The following NACC2 variants were observed in gnomAD, a reference collection of about 807,000 sequenced individuals.
The protein encoded by NACC2 is NACC family member 2.
In NACC2, 8 loss-of-function variants were observed where a neutral mutation model predicts 25.1. That is an observed-to-expected ratio of 0.32 (90% CI 0.19 to 0.57). NACC2 has a LOEUF of 0.57. NACC2 is among the 20% of genes least tolerant of loss of function. The pLI, the probability that NACC2 is intolerant of heterozygous loss-of-function variation, is 0.89. For missense variants in NACC2, 644 were observed against 650.2 expected, an observed-to-expected ratio of 0.99 and a Z score of 0.10; for synonymous variants, 435 against 294.7, an observed-to-expected ratio of 1.48 and a Z score of -4.88.
chr9:136,092,137 G>C (rs1388838319), intron 1 of NACC2, among the ~76,000 whole-genome samples: 2 of 152,224 alleles, frequency 1.3e-5, no homozygotes, highest in African/African-American at 4.8e-5. Flanking sequence ...CGCTGGCCAA[G>C]CTCCCCCACC....
In NACC2 at chr9:136,013,793, A is replaced by G. The variant is rs1840151827; in HGVS notation, c.1157+71T>C. 1 of 1,334,672 alleles carries G rather than the reference A, an allele frequency of 7.5e-7. No individual in the cohort carries two copies. The highest frequency in any genetic ancestry group is 2.4e-5 in the East Asian group (1 of 41,804). The allele number at this position is 1,334,672 out of a possible 1,614,324, so 82.7% of individuals were successfully genotyped here. A position where few individuals can be genotyped will look rare whatever the true frequency, so the allele number is the denominator to read the frequency against. On this transcript the variant is annotated intron_variant, in intron 4 of 5. Coordinates refer to ENST00000277554, the MANE Select transcript of NACC2 (RefSeq NM_144653.5). The surrounding 1 kb of genome is among the most constrained non-coding windows in gnomAD (Gnocchi z 6.6). ...ATGCCACAACCCTGGACGATCAGAC[A>G]GCTCATAGCTAAAGGAGCCAGAACC...
intron 2 of NACC2, among the ~76,000 whole-genome samples, chr9:136,033,237 T>C (rs946999930): frequency 6.6e-5 from 10 of 151,878 alleles, no homozygotes; most frequent in African/African-American, 2.4e-4. Context: ...ACTCTCAGAG[T>C]AAATCAGTGA....
intron 1 of NACC2, among the ~76,000 whole-genome samples, chr9:136,069,166 A>G (rs1024670262): frequency 6.6e-6 from 1 of 150,436 alleles, no homozygotes; most frequent in Admixed American, 6.6e-5. Flanking sequence ...TCGGCCTCCC[A>G]AAGTGCTGGG....
chr9:136,045,052 G>C (rs1840699982), intron 2 of NACC2, among the ~76,000 whole-genome samples: 1 of 152,260 alleles, frequency 6.6e-6, no homozygotes, highest in Non-Finnish European at 1.5e-5. Flanking sequence ...CATCTGTCCA[G>C]GGTCCAGGAT....
chr9:136,078,300 C>T (rs778106172), intron 1 of NACC2, among the ~76,000 whole-genome samples: 2 of 152,142 alleles, frequency 1.3e-5, no homozygotes, highest in Non-Finnish European at 2.9e-5. Context: ...CAGAATTCCA[C>T]GAAGCTCAGT....
At chr9:136,059,091 G>A (rs1386528514) in intron 1 of NACC2, among the ~76,000 whole-genome samples, 1 of 152,220 alleles carries the variant, frequency 6.6e-6, no homozygotes, top group Non-Finnish European at 1.5e-5. Context: ...ATCAGAGCCT[G>A]AGACAGCCCC....
In NACC2 at chr9:136,084,814, G is replaced by A. The variant is rs1023874645; in HGVS notation, c.-60+10375C>T. 8.5e-5 allele frequency among the ~76,000 whole-genome samples: 13 copies of A among 152,214 alleles called. No homozygotes were observed. The highest frequency in any genetic ancestry group is 2.7e-4 in the African/African-American group (11 of 41,460). ...CGGAGGAGCCGTGGGGAGAGGGTGC[G>A]GAGCAAATGAGCCAGTCACACGAGG... On this transcript the variant is annotated intron_variant, in intron 1 of 5. Transcript: ENST00000277554. This position sits in a 1 kb window ranked among gnomAD's most constrained non-coding sequence, Gnocchi z 5.1.
At chr9:136,094,885 C>T (rs1830472638) in intron 1 of NACC2, among the ~76,000 whole-genome samples, 1 of 150,750 alleles carries the variant, frequency 6.6e-6, no homozygotes, top group East Asian at 2.0e-4. Context: ...CCCCGGGACG[C>T]CCGGAGCCGG....
intron 2 of NACC2, among the ~76,000 whole-genome samples, chr9:136,029,814 T>C (rs1588563144): frequency 6.6e-6 from 1 of 152,196 alleles, no homozygotes; most frequent in African/African-American, 2.4e-5. Context: ...TGGCTGGGCC[T>C]GGAGCTTGCT....
At chr9:136,038,465 G>A (rs1043412029) in intron 2 of NACC2, among the ~76,000 whole-genome samples, 21 of 152,184 alleles carry the variant, frequency 1.4e-4, no homozygotes, top group Non-Finnish European at 2.6e-4. Context: ...GCTTGAGCCC[G>A]GGAGGCAGAG....
At chr9:136,044,227 A>G (rs1362891947) in intron 2 of NACC2, among the ~76,000 whole-genome samples, 1 of 152,192 alleles carries the variant, frequency 6.6e-6, no homozygotes, top group East Asian at 1.9e-4. Flanking sequence ...TGATGAAAGC[A>G]GACAGATGGT....
In NACC2 at chr9:136,050,540, G is replaced by C. The variant is rs949772501; in HGVS notation, c.-19C>G. On this transcript the variant is annotated 5_prime_UTR_variant, in exon 2 of 6. Transcript: ENST00000277554. ...GAGACATGGCGGGCGGGCAGCGGCG[G>C]GGCTGGGCTCTCAGCGCGGGGCGGC... 3 of 754,366 alleles carry C rather than the reference G, an allele frequency of 4.0e-6. No homozygotes were observed. The highest frequency in any genetic ancestry group is 3.4e-5 in the African/African-American group (2 of 58,846). The allele number at this position is 754,366 out of a possible 1,614,324, so 46.7% of individuals were successfully genotyped here.
Position 136,008,084 on chromosome 9 carries a change from C to G in NACC2, c.*3432G>C, listed in dbSNP as rs923358966. 6.6e-6 allele frequency: 1 copy of G among 152,296 alleles called. No homozygotes were observed. Among genetic ancestry groups the G allele is most frequent in the Non-Finnish European group, 1.5e-5 (1 of 68,074 alleles). 9.4% of individuals were successfully genotyped at this position (152,296 alleles called of 1,614,324 possible). Reference sequence around the variant, plus strand: ...GCACCCCCAGGCGGGTCCTGCTGACCTCTTGCCCACAGCTTTGTCCACATT... The same window carrying G: ...GCACCCCCAGGCGGGTCCTGCTGACGTCTTGCCCACAGCTTTGTCCACATT... On this transcript the variant is annotated 3_prime_UTR_variant, in exon 6 of 6. Coordinates refer to ENST00000277554, the MANE Select transcript of NACC2 (RefSeq NM_144653.5).
At chr9:136,075,269 C>T (rs1564240283) in intron 1 of NACC2, among the ~76,000 whole-genome samples, 2 of 152,220 alleles carry the variant, frequency 1.3e-5, no homozygotes, top group Admixed American at 6.5e-5. Flanking sequence ...TGGTCCAGTC[C>T]GGCACTGACC....
At chr9:136,078,757 G>C (rs985229178) in intron 1 of NACC2, among the ~76,000 whole-genome samples, 1 of 152,228 alleles carries the variant, frequency 6.6e-6, no homozygotes, top group African/African-American at 2.4e-5. Flanking sequence ...CTGTCATCAC[G>C]AGTGTGGCAC....
intron 1 of NACC2, among the ~76,000 whole-genome samples, chr9:136,069,443 G>A (rs1422589452): frequency 6.6e-6 from 1 of 151,320 alleles, no homozygotes. Flanking sequence ...CAGCTACTCG[G>A]GAGGCTGAGG....
At chr9:136,029,382 T>C (rs1349338923) in intron 2 of NACC2, among the ~76,000 whole-genome samples, 1 of 152,172 alleles carries the variant, frequency 6.6e-6, no homozygotes, top group Non-Finnish European at 1.5e-5. Context: ...GTACTGTCCC[T>C]CAATAAAGCA....
chr9:136,029,181 A>G (rs373684771), intron 2 of NACC2, among the ~76,000 whole-genome samples: 3 of 152,172 alleles, frequency 2.0e-5, no homozygotes, highest in Non-Finnish European at 4.4e-5. Context: ...ATGGCTGCCC[A>G]TGGACAAATC....
intron 1 of NACC2, among the ~76,000 whole-genome samples, chr9:136,092,826 T>G (rs1472079529): frequency 6.6e-6 from 1 of 152,170 alleles, no homozygotes; most frequent in African/African-American, 2.4e-5. Context: ...GCTGCCCCCC[T>G]GTGGACTCCG....
Sources: allele counts gnomAD v4.1 joint callset (sites outside exome capture counted in the v4.1 genomes callset), GRCh38; gene constraint gnomAD v4.1.1; non-coding constraint Gnocchi (gnomAD v3.1); transcripts MANE v1.5; gene names NCBI Gene and HGNC (gene_info 2026-07-23, HGNC 2026-07-21).